TNFRSF8: variants seen among roughly 807,000 people sequenced by gnomAD.
The protein encoded by TNFRSF8 is tumor necrosis factor receptor superfamily member 8.
In TNFRSF8, 26 loss-of-function variants were observed where a neutral mutation model predicts 70.8. The observed-to-expected ratio is 0.37, with a 90% CI of 0.27 to 0.51. The LOEUF (loss-of-function observed/expected upper bound fraction) is 0.51, where lower values mean the gene tolerates loss of function less well. Ranked by LOEUF, TNFRSF8 falls within the 20% of genes least tolerant of loss-of-function variation. The pLI, the probability that TNFRSF8 is intolerant of heterozygous loss-of-function variation, is 0.94. For synonymous variants in TNFRSF8, 356 were observed against 339.2 expected (o/e 1.05, Z -0.54); for missense variants, 720 against 807.9 (o/e 0.89, Z 1.32).
At position 12,084,798 on chromosome 1, in the gene TNFRSF8, G is replaced by A. The variant is rs11569824; in HGVS notation, c.151+247G>A. Among the ~76,000 whole-genome samples, 470 of 152,214 alleles carry A rather than the reference G, an allele frequency of 3.1e-3. 3 individuals are homozygous for A. Among genetic ancestry groups the A allele is most frequent in the African/African-American group, 0.011 (454 of 41,534 alleles). On this transcript the variant is annotated intron_variant, in intron 2 of 14. Transcript: ENST00000263932. ...ATCTCCATGAGTTTTTATTTTTAAC[G>A]TAGAGCTGCCCTTTATTGGACACTT...
chr1:12,075,506 CTG>C (rs1640929098), intron 1 of TNFRSF8, among the ~76,000 whole-genome samples: 3 of 152,328 alleles, frequency 2.0e-5, no homozygotes, highest in Non-Finnish European at 4.4e-5. Context: ...ACTCTCTCTT[CTG>C]CCTCCCTCTT....
chr1:12,113,136 A>G lies in TNFRSF8; in HGVS notation c.793+1122A>G, dbSNP rs1344587134. Among the ~76,000 whole-genome samples the G allele has an allele frequency of 1.3e-5, 2 of 152,306 alleles. No homozygotes were observed. The highest frequency in any genetic ancestry group is 1.9e-4 in the East Asian group (1 of 5,186). ...GGGGACAGCTTGTCTCTGCTCCACA[A>G]TGTCTGAGGTCTTAGCTGGAAAGCC... On this transcript the variant is annotated intron_variant, in intron 7 of 14. Transcript: ENST00000263932. This position sits in a 1 kb window ranked among gnomAD's most constrained non-coding sequence, Gnocchi z 4.9.
intron 1 of TNFRSF8, among the ~76,000 whole-genome samples, chr1:12,076,103 CTTT>C: frequency 1.0e-5 from 1 of 96,372 alleles, no homozygotes; most frequent in East Asian, 2.3e-4. Context: ...TTTTCTTTTT[CTTT>C]TTTTTTTTTT....
intron 2 of TNFRSF8, among the ~76,000 whole-genome samples, chr1:12,087,178 T>TTC (rs1416105131): frequency 6.8e-6 from 1 of 147,888 alleles, no homozygotes; most frequent in Non-Finnish European, 1.5e-5. Context: ...TTTTTTTTTT[T>TTC]TTTTTTTGAG....
intron 7 of TNFRSF8, among the ~76,000 whole-genome samples, chr1:12,115,337 G>A (rs1262994192): frequency 2.6e-5 from 4 of 152,194 alleles, no homozygotes; most frequent in Admixed American, 2.6e-4. Context: ...TGGTCACCAT[G>A]CAATAGCTTG....
intron 12 of TNFRSF8, among the ~76,000 whole-genome samples, chr1:12,131,764 G>A (rs1017818827): frequency 7.2e-5 from 11 of 151,934 alleles, no homozygotes; most frequent in African/African-American, 2.7e-4. Context: ...AAAGTGCTTG[G>A]ATTATAGGCG....
chr1:12,094,817 G>T (rs1641303894), intron 2 of TNFRSF8, among the ~76,000 whole-genome samples: 1 of 151,786 alleles, frequency 6.6e-6, no homozygotes, highest in Non-Finnish European at 1.5e-5. Flanking sequence ...GTAGAGACGG[G>T]GTTTCACCAT....
In TNFRSF8 at chr1:12,141,010, C is replaced by T. The variant is rs550853526; in HGVS notation, c.1544-1277C>T. On this transcript the variant is annotated intron_variant, in intron 14 of 14. Transcript: ENST00000263932. This position sits in a 1 kb window ranked among gnomAD's most constrained non-coding sequence, Gnocchi z 5.4. ...TGCTCTGTTTTGGGGTCTGTGGGGG[C>T]GCCCAGCCCATAGCCTGTCCCGCAC... 1.3e-5 allele frequency among the ~76,000 whole-genome samples: 2 copies of T among 152,258 alleles called. No homozygotes were observed. Among genetic ancestry groups the T allele is most frequent in the Non-Finnish European group, 2.9e-5 (2 of 68,018 alleles).
intron 6 of TNFRSF8, 118 bp from the exon 7 acceptor site, chr1:12,111,780 C>A: frequency 1.3e-6 from 1 of 794,154 alleles, no homozygotes; most frequent in South Asian, 1.4e-5. Flanking sequence ...CTGGACTGAG[C>A]TGACATGCGG....
rs530860442 is a variant in TNFRSF8, at chr1:12,088,270, G to A, written c.151+3719G>A. On this transcript the variant is annotated intron_variant, in intron 2 of 14. Coordinates refer to ENST00000263932, the MANE Select transcript of TNFRSF8 (RefSeq NM_001243.5). This position sits in a 1 kb window ranked among gnomAD's most constrained non-coding sequence, Gnocchi z 4.0. ...TTCACTGACTCATAACAATGACCACGATTCATACCGATGGAGCACGCTATG... is the reference window on the plus strand; with the variant it reads ...TTCACTGACTCATAACAATGACCACAATTCATACCGATGGAGCACGCTATG... 5.3e-5 allele frequency among the ~76,000 whole-genome samples: 8 copies of A among 152,226 alleles called. No individual in the cohort carries two copies. The East Asian group carries it at 5.8e-4, about 11-fold the overall frequency.
intron 2 of TNFRSF8, among the ~76,000 whole-genome samples, chr1:12,094,200 G>A (rs1641292432): frequency 6.6e-6 from 1 of 152,162 alleles, no homozygotes; most frequent in Admixed American, 6.6e-5. Context: ...ACAAATAAAT[G>A]TGTGATTACA....
intron 10 of TNFRSF8, among the ~76,000 whole-genome samples, chr1:12,124,355 G>T (rs1641891731): frequency 6.6e-6 from 1 of 152,094 alleles, no homozygotes; most frequent in Admixed American, 6.6e-5. Flanking sequence ...TTTTTTCACA[G>T]CTTCATCCTC....
intron 1 of TNFRSF8, chr1:12,078,095 CTG>C (rs1034234973): frequency 7.2e-5 from 11 of 152,276 alleles, no homozygotes; most frequent in African/African-American, 2.4e-4. Context: ...GGTGTCTGCA[CTG>C]TGAGCTGGGC....
At chr1:12,130,945 C>T (rs906850971) in intron 12 of TNFRSF8, among the ~76,000 whole-genome samples, 1 of 152,214 alleles carries the variant, frequency 6.6e-6, no homozygotes, top group Non-Finnish European at 1.5e-5. Context: ...GGTTGTAACA[C>T]GGCTCTTGTC....
intron 12 of TNFRSF8, among the ~76,000 whole-genome samples, chr1:12,129,973 C>T (rs1319551258): frequency 6.6e-6 from 1 of 151,426 alleles, no homozygotes; most frequent in African/African-American, 2.4e-5. Flanking sequence ...AGTGTGATCT[C>T]GGCTTACTGC....
At chr1:12,081,382 G>A (rs1569994683) in intron 1 of TNFRSF8, among the ~76,000 whole-genome samples, 1 of 152,088 alleles carries the variant, frequency 6.6e-6, no homozygotes, top group Non-Finnish European at 1.5e-5. Flanking sequence ...CCAGCCCCAG[G>A]CCCAGGCTAC....
At chr1:12,102,060 T>G (rs1051950258) in intron 3 of TNFRSF8, among the ~76,000 whole-genome samples, 1 of 152,230 alleles carries the variant, frequency 6.6e-6, no homozygotes, top group Non-Finnish European at 1.5e-5. Context: ...AGGTATCATT[T>G]CTAATGTTTT....
At chr1:12,099,070 A>AT (rs1244489171) in intron 3 of TNFRSF8, among the ~76,000 whole-genome samples, 1 of 152,010 alleles carries the variant, frequency 6.6e-6, no homozygotes, top group African/African-American at 2.4e-5. Flanking sequence ...TGTCAGGTGG[A>AT]TTTTTCAAGA....
At position 12,112,326 on chromosome 1, in the gene TNFRSF8, C is replaced by G. The variant is rs1641647527; in HGVS notation, c.793+312C>G. ...AGGGCTGTGGGCTGGAGTTTGAACC[C>G]AGACAGGTGCCACCAGGTTCCAGGT... On this transcript the variant is annotated intron_variant, in intron 7 of 14. Transcript: ENST00000263932. The surrounding 1 kb of genome is among the most constrained non-coding windows in gnomAD (Gnocchi z 5.3). Among the ~76,000 whole-genome samples the G allele has an allele frequency of 6.6e-6, 1 of 151,920 alleles. No homozygotes were observed. Among genetic ancestry groups the G allele is most frequent in the Non-Finnish European group, 1.5e-5 (1 of 67,998 alleles).
Sources: allele counts gnomAD v4.1 joint callset (sites outside exome capture counted in the v4.1 genomes callset), GRCh38; gene constraint gnomAD v4.1.1; non-coding constraint Gnocchi (gnomAD v3.1); transcripts MANE v1.5; gene names NCBI Gene and HGNC (gene_info 2026-07-23, HGNC 2026-07-21).